Variants in LIMA1 observed in about 807,000 individuals in gnomAD.
LIMA1 encodes the protein LIM domain and actin-binding protein 1.
Under a neutral mutation model 62.6 loss-of-function variants are expected in LIMA1, and 52 were observed. The ratio of observed to expected loss-of-function variants is 0.83; its 90% CI spans 0.67 to 1.05. The LOEUF (loss-of-function observed/expected upper bound fraction) is 1.05. Ranked by LOEUF, LIMA1 falls within the 50% of genes least tolerant of loss-of-function variation. The probability of loss-of-function intolerance (pLI) is 0.00; values close to 1 mark genes in which losing one functional copy is unlikely to be tolerated. For synonymous variants in LIMA1, 302 were observed against 317.8 expected, an observed-to-expected ratio of 0.95 and a Z score of 0.53; for missense variants, 780 against 902.2, an observed-to-expected ratio of 0.86 and a Z score of 1.74.
intron 9 of LIMA1, chr12:50,186,093 T>C (rs1174791939): frequency 6.6e-6 from 1 of 152,420 alleles, no homozygotes; most frequent in African/African-American, 2.4e-5. Context: ...CCCATGTCTA[T>C]TCAGACAACA....
chr12:50,240,061 AAT>A (rs1941754858), intron 2 of LIMA1, among the ~76,000 whole-genome samples: 3 of 121,486 alleles, frequency 2.5e-5, no homozygotes, highest in African/African-American at 6.3e-5. Context: ...CATAACATAA[AAT>A]AAAAAATTTT....
intron 2 of LIMA1, among the ~76,000 whole-genome samples, chr12:50,239,018 A>G (rs1237313154): frequency 1.3e-5 from 2 of 152,350 alleles, no homozygotes; most frequent in Admixed American, 6.5e-5. Flanking sequence ...CATTTCAGAG[A>G]GAAATTCAGA....
intron 10 of LIMA1, among the ~76,000 whole-genome samples, chr12:50,178,801 G>A (rs183797780): frequency 2.7e-3 from 408 of 152,048 alleles, no homozygotes; most frequent in Non-Finnish European, 3.6e-3. Context: ...TATGAAAAAT[G>A]TCATAATCTT....
chr12:50,282,127 C>T lies in LIMA1; in HGVS notation c.-24+1293G>A, dbSNP rs544822598. 1.4e-4 allele frequency among the ~76,000 whole-genome samples: 21 copies of T among 152,198 alleles called. No individual in the cohort carries two copies. The East Asian group carries it at 2.3e-3, about 17-fold the overall frequency. Reference sequence around the variant, plus strand: ...ACACACTTTTTTTTGCCTTCTTTCACGCCAACTCTATAATTTTTTGAAGAT... The same window carrying T: ...ACACACTTTTTTTTGCCTTCTTTCATGCCAACTCTATAATTTTTTGAAGAT... On this transcript the variant is annotated intron_variant, in intron 1 of 10. Coordinates refer to ENST00000341247, the MANE Select transcript of LIMA1 (RefSeq NM_016357.5).
chr12:50,238,999 C>T (rs1396109615), intron 2 of LIMA1, among the ~76,000 whole-genome samples: 1 of 152,130 alleles, frequency 6.6e-6, no homozygotes, highest in African/African-American at 2.4e-5. Context: ...TTCTGCTTCT[C>T]CCTTTCTCCA....
At chr12:50,196,007 T>G in intron 7 of LIMA1, 120 bp from the exon 8 acceptor site, 4 of 992,630 alleles carry the variant, frequency 4.0e-6, no homozygotes, top group Non-Finnish European at 4.3e-6. Flanking sequence ...ACTGGCTGCC[T>G]AGGGGAAATA....
intron 4 of LIMA1, among the ~76,000 whole-genome samples, 185 bp downstream of exon 4, chr12:50,221,836 G>A (rs564683963): frequency 1.3e-5 from 2 of 152,322 alleles, no homozygotes; most frequent in Non-Finnish European, 2.9e-5. Context: ...ATGAAATTGT[G>A]TCAGAGACTC....
intron 1 of LIMA1, 23 bp from the exon 2 acceptor site, chr12:50,248,797 A>G: frequency 8.7e-7 from 1 of 1,145,528 alleles, no homozygotes; most frequent in Non-Finnish European, 1.3e-6. Flanking sequence ...GAAAGTCAGA[A>G]CATTAGACAC....
intron 7 of LIMA1, among the ~76,000 whole-genome samples, chr12:50,196,235 C>T (rs1410057826): frequency 3.3e-5 from 5 of 152,148 alleles, no homozygotes; most frequent in Non-Finnish European, 7.4e-5. Flanking sequence ...GAGAGCAAAG[C>T]TCCTCACCGT....
At chr12:50,250,290 CAAAAAAAAAAAA>C (rs11327744) in intron 1 of LIMA1, among the ~76,000 whole-genome samples, 3 of 64,634 alleles carry the variant, frequency 4.6e-5, no homozygotes, top group African/African-American at 1.2e-4. Context: ...AACTCCGTTT[CAAAAAAAAAAAA>C]AAAAAAAAAA....
intron 9 of LIMA1, chr12:50,187,010 G>C (rs1162799476): frequency 6.6e-6 from 1 of 152,198 alleles, no homozygotes; most frequent in African/African-American, 2.4e-5. Context: ...TCTTCCCTTT[G>C]TTTCAAATAA....
At chr12:50,223,647 G>C (rs1941484278) in intron 3 of LIMA1, among the ~76,000 whole-genome samples, 1 of 152,168 alleles carries the variant, frequency 6.6e-6, no homozygotes, top group Non-Finnish European at 1.5e-5. Flanking sequence ...TTTCACTAGG[G>C]CCAAAAATGG....
At chr12:50,214,578 G>A (rs890261855) in intron 4 of LIMA1, among the ~76,000 whole-genome samples, 7 of 152,222 alleles carry the variant, frequency 4.6e-5, no homozygotes, top group Non-Finnish European at 8.8e-5. Flanking sequence ...GGAGGCCAAG[G>A]TGGGGGGATC....
intron 4 of LIMA1, among the ~76,000 whole-genome samples, chr12:50,211,670 C>A (rs1316239548): frequency 2.0e-5 from 3 of 151,958 alleles, no homozygotes; most frequent in African/African-American, 7.3e-5. Context: ...AACAAACAAA[C>A]AAAAATGATC....
chr12:50,263,857 G>GTATA (rs67882718), intron 1 of LIMA1, among the ~76,000 whole-genome samples: 30 of 125,680 alleles, frequency 2.4e-4, no homozygotes, highest in Non-Finnish European at 4.3e-4. Flanking sequence ...TATATAGAGA[G>GTATA]TATATATATA....
chr12:50,234,900 A>C (rs1253718879), intron 2 of LIMA1, among the ~76,000 whole-genome samples: 3 of 151,974 alleles, frequency 2.0e-5, no homozygotes, highest in Admixed American at 2.0e-4. Flanking sequence ...AGTCCCAGCT[A>C]CCGGGGAGGC....
chr12:50,205,736 G>A (rs1281084955), intron 5 of LIMA1, among the ~76,000 whole-genome samples: 3 of 150,670 alleles, frequency 2.0e-5, no homozygotes, highest in African/African-American at 2.4e-5. Context: ...AAAAGCAGCC[G>A]GGCATGACGG....
intron 1 of LIMA1, among the ~76,000 whole-genome samples, chr12:50,256,038 T>C (rs138056801): frequency 0.043 from 6,548 of 151,996 alleles, 477 homozygotes; most frequent in African/African-American, 0.15. Flanking sequence ...TACAGGCATG[T>C]GCCACCACAC....
At chr12:50,214,750 G>A (rs1181797244) in intron 4 of LIMA1, among the ~76,000 whole-genome samples, 2 of 152,230 alleles carry the variant, frequency 1.3e-5, no homozygotes, top group African/African-American at 4.8e-5. Flanking sequence ...AGGTTGCAGT[G>A]AGCTGGGATT....
Sources: gnomAD v4.1 joint callset for allele counts (sites outside exome capture counted in the v4.1 genomes callset) on GRCh38, gnomAD v4.1.1 for gene constraint, MANE v1.5 for transcripts, NCBI Gene and HGNC (gene_info 2026-07-23, HGNC 2026-07-21) for gene names.